The following NKAIN3 variants were observed in gnomAD, a reference collection of about 807,000 sequenced individuals.
The protein encoded by NKAIN3 is sodium/potassium-transporting ATPase subunit beta-1-interacting protein 3.
A neutral mutation model predicts 30.2 loss-of-function variants in NKAIN3; 25 were observed. That is an observed-to-expected ratio of 0.83 (90% confidence interval 0.60 to 1.16). The LOEUF is 1.16. NKAIN3 is among the 50% of genes most tolerant of loss of function. The pLI is 0.00. For missense variants in NKAIN3, 225 were observed against 254.1 expected (o/e 0.89, Z 0.78); for synonymous variants, 91 against 89.6 (o/e 1.02, Z -0.09).
chr8:62,950,765 A>T (rs549048965), intron 5 of NKAIN3, among the ~76,000 whole-genome samples: 1 of 151,300 alleles, frequency 6.6e-6, no homozygotes, highest in Non-Finnish European at 1.5e-5. Flanking sequence ...CCTTGCTTAC[A>T]CAAGTTGCCC....
At chr8:62,642,483 C>T (rs931130636) in intron 3 of NKAIN3, among the ~76,000 whole-genome samples, 1 of 152,060 alleles carries the variant, frequency 6.6e-6, no homozygotes, top group South Asian at 2.1e-4. Flanking sequence ...CCTCTGACTG[C>T]CAGGTTCTCA....
At chr8:62,372,796 T>G (rs1816949519) in intron 1 of NKAIN3, among the ~76,000 whole-genome samples, 1 of 152,116 alleles carries the variant, frequency 6.6e-6, no homozygotes, top group Non-Finnish European at 1.5e-5. Flanking sequence ...GAGGCACAGA[T>G]AGACCACTTT....
chr8:62,652,835 C>T (rs1692476106), intron 3 of NKAIN3, among the ~76,000 whole-genome samples: 1 of 152,150 alleles, frequency 6.6e-6, no homozygotes, highest in Admixed American at 6.6e-5. Flanking sequence ...GAGCCACGGA[C>T]AAGTTATGAA....
intron 1 of NKAIN3, among the ~76,000 whole-genome samples, chr8:62,534,153 G>A (rs1267670550): frequency 2.0e-5 from 3 of 152,292 alleles, no homozygotes; most frequent in African/African-American, 7.2e-5. Flanking sequence ...ACGGGCATGA[G>A]ATGAGAGCTC....
chr8:62,856,439 C>A, intron 4 of NKAIN3: 2 of 789,396 alleles, frequency 2.5e-6, no homozygotes, highest in South Asian at 2.7e-5. Context: ...CTGGTGATAT[C>A]TCTATAGAAT....
At chr8:62,267,449 G>A (rs2625414) in intron 1 of NKAIN3, among the ~76,000 whole-genome samples, 7,667 of 152,162 alleles carry the variant, frequency 0.05, 263 homozygotes, top group Middle Eastern at 0.12. Context: ...GATTCTCTTG[G>A]CAGATAACAT....
At chr8:62,528,508 C>A (rs1428693978) in intron 1 of NKAIN3, among the ~76,000 whole-genome samples, 1 of 151,426 alleles carries the variant, frequency 6.6e-6, no homozygotes, top group Non-Finnish European at 1.5e-5. Context: ...GTTATTTGCC[C>A]AGCATTGGCA....
At chr8:62,265,811 A>G (rs536519507) in intron 1 of NKAIN3, among the ~76,000 whole-genome samples, 7 of 152,244 alleles carry the variant, frequency 4.6e-5, no homozygotes, top group South Asian at 2.1e-4. Flanking sequence ...AAACAATTCA[A>G]TACTTTTAAC....
intron 1 of NKAIN3, chr8:62,474,040 T>C (rs1249582673): frequency 6.6e-6 from 1 of 152,190 alleles, no homozygotes; most frequent in African/African-American, 2.4e-5. Context: ...GTTGTCCTCA[T>C]GACTTACTTG....
chr8:62,965,706 T>C lies in NKAIN3; in HGVS notation c.*299T>C, dbSNP rs1585630379. On this transcript the variant is annotated 3_prime_UTR_variant, in exon 7 of 7. Coordinates refer to ENST00000623646, the MANE Select transcript of NKAIN3 (RefSeq NM_001304533.3). ...GAGGCATGCAAAATGAAAAAGCAAA[T>C]CTGTGAAAACCTTCTACAGTCAATT... 2 of 983,320 alleles carry C rather than the reference T, an allele frequency of 2.0e-6. No individual in the cohort carries two copies. The highest frequency in any genetic ancestry group is 2.4e-6 in the Non-Finnish European group (2 of 828,558). The allele number at this position is 983,320 out of a possible 1,614,324, so 60.9% of individuals were successfully genotyped here.
intron 1 of NKAIN3, among the ~76,000 whole-genome samples, chr8:62,355,885 A>G (rs1173068638): frequency 6.6e-6 from 1 of 152,222 alleles, no homozygotes; most frequent in African/African-American, 2.4e-5. Context: ...TATCTTAAAT[A>G]TAAATATATT....
intron 1 of NKAIN3, among the ~76,000 whole-genome samples, chr8:62,357,354 G>A (rs1816394523): frequency 6.7e-6 from 1 of 149,394 alleles, no homozygotes; most frequent in African/African-American, 2.5e-5. Context: ...AAGAGTTTGA[G>A]GCTACAGAGA....
At chr8:62,593,632 TA>T (rs1810728131) in intron 3 of NKAIN3, among the ~76,000 whole-genome samples, 2 of 151,940 alleles carry the variant, frequency 1.3e-5, no homozygotes, top group African/African-American at 4.8e-5. Flanking sequence ...AAAAGATTAA[TA>T]GAAAAAAATT....
intron 1 of NKAIN3, among the ~76,000 whole-genome samples, chr8:62,269,653 A>G (rs945778512): frequency 6.6e-6 from 1 of 152,140 alleles, no homozygotes; most frequent in African/African-American, 2.4e-5. Flanking sequence ...ATTTCTGAAA[A>G]TGTATTACTT....
At chr8:62,840,738 C>A (rs759680364) in intron 4 of NKAIN3, among the ~76,000 whole-genome samples, 1 of 152,034 alleles carries the variant, frequency 6.6e-6, no homozygotes, top group Non-Finnish European at 1.5e-5. Flanking sequence ...TAAATGTTGG[C>A]AACTCAGCCC....
intron 1 of NKAIN3, among the ~76,000 whole-genome samples, chr8:62,503,630 T>A (rs1839870): frequency 6.6e-6 from 1 of 151,642 alleles, no homozygotes; most frequent in South Asian, 2.1e-4. Context: ...CTATGGACCT[T>A]CCCCCAGGAA....
chr8:62,910,403 T>C (rs751656937), intron 4 of NKAIN3, among the ~76,000 whole-genome samples: 2 of 152,120 alleles, frequency 1.3e-5, no homozygotes, highest in African/African-American at 2.4e-5. Flanking sequence ...AAACCTCTCT[T>C]TGAATTTCAA....
At chr8:62,388,677 T>A (rs1817500431) in intron 1 of NKAIN3, among the ~76,000 whole-genome samples, 1 of 152,234 alleles carries the variant, frequency 6.6e-6, no homozygotes, top group Admixed American at 6.5e-5. Context: ...TGCATTATCC[T>A]AATGTTAAAA....
chr8:62,412,906 C>G (rs1267942345), intron 1 of NKAIN3, among the ~76,000 whole-genome samples: 4 of 79,616 alleles, frequency 5.0e-5, no homozygotes, highest in Non-Finnish European at 9.6e-5. Flanking sequence ...ACTGAGACTC[C>G]GTCAAAAAAA....
Sources: gnomAD v4.1 joint callset for allele counts (sites outside exome capture counted in the v4.1 genomes callset) on GRCh38, gnomAD v4.1.1 for gene constraint, MANE v1.5 for transcripts, NCBI Gene and HGNC (gene_info 2026-07-23, HGNC 2026-07-21) for gene names.